LRP1B: variants seen among roughly 807,000 people sequenced by gnomAD.
LRP1B encodes low-density lipoprotein receptor-related protein 1B.
Under a neutral mutation model 556.6 loss-of-function variants are expected in LRP1B, and 217 were observed. The observed-to-expected ratio is 0.39, with a 90% CI of 0.35 to 0.44. LRP1B has a LOEUF of 0.44. LRP1B is among the 20% of genes least tolerant of loss of function. LRP1B has a pLI of 1.00. For synonymous variants in LRP1B, 2,047 were observed against 1,865.8 expected, an observed-to-expected ratio of 1.10 and a Z score of -2.50; for missense variants, 5,053 against 5,620.8, an observed-to-expected ratio of 0.90 and a Z score of 3.23.
chr2:140,885,535 G>A (rs1228190980), intron 24 of LRP1B, among the ~76,000 whole-genome samples: 2 of 151,866 alleles, frequency 1.3e-5, no homozygotes, highest in African/African-American at 4.8e-5. Flanking sequence ...ATTTATAGTA[G>A]AGATGGGGTT....
chr2:141,498,580 T>C (rs2105127492), intron 2 of LRP1B, among the ~76,000 whole-genome samples: 1 of 152,146 alleles, frequency 6.6e-6, no homozygotes, highest in Non-Finnish European at 1.5e-5. Context: ...GTAAAACTGC[T>C]GGAAAAATAC....
rs1558958260 is a variant in LRP1B, at chr2:141,247,402, C to T, written c.464-48G>A. 4 of 1,587,690 alleles carry T rather than the reference C, an allele frequency of 2.5e-6. No individual in the cohort carries two copies. The Admixed American group carries it at 7.0e-5, about 28-fold the overall frequency. On this transcript the variant is annotated intron_variant, in intron 4 of 90. Transcript: ENST00000389484. Reference sequence around the variant, plus strand: ...TTTCTAAGCAGCTTTATCTTGGGCACTTTTTTTTCTCCTTGAAGAAAATAT... The same window carrying T: ...TTTCTAAGCAGCTTTATCTTGGGCATTTTTTTTTCTCCTTGAAGAAAATAT...
chr2:141,136,647 T>C (rs1274631492), intron 7 of LRP1B, among the ~76,000 whole-genome samples: 1 of 137,126 alleles, frequency 7.3e-6, no homozygotes, highest in Non-Finnish European at 1.6e-5. Context: ...AAAAAAAAAA[T>C]ACTCTGATCT....
At chr2:140,306,982 C>T (rs527859764) in intron 83 of LRP1B, among the ~76,000 whole-genome samples, 1 of 151,942 alleles carries the variant, frequency 6.6e-6, no homozygotes, top group South Asian at 2.1e-4. Flanking sequence ...TATTGTATTG[C>T]TTATAAGAAA....
intron 10 of LRP1B, among the ~76,000 whole-genome samples, chr2:141,053,984 C>A (rs1317367208): frequency 6.6e-6 from 1 of 151,948 alleles, no homozygotes; most frequent in Non-Finnish European, 1.5e-5. Flanking sequence ...GGCCTAGAAA[C>A]ATGAGACCTG....
chr2:140,992,595 A>C (rs1997080), intron 16 of LRP1B: 1 of 151,886 alleles, frequency 6.6e-6, no homozygotes, highest in Non-Finnish European at 1.5e-5. Context: ...ACTTAGTTAC[A>C]AATCAAACTC....
chr2:141,484,178 T>C (rs563173021), intron 2 of LRP1B, among the ~76,000 whole-genome samples: 6 of 147,934 alleles, frequency 4.1e-5, no homozygotes, highest in African/African-American at 1.2e-4. Flanking sequence ...GCTTTCTACA[T>C]ATGGCTAGCC....
At chr2:140,257,765 T>A (rs1681760359) in intron 86 of LRP1B, among the ~76,000 whole-genome samples, 1 of 152,204 alleles carries the variant, frequency 6.6e-6, no homozygotes, top group Non-Finnish European at 1.5e-5. Context: ...TACAATGTCC[T>A]GACTTTTGAA....
chr2:140,859,978 G>C (rs1692741159), intron 27 of LRP1B, among the ~76,000 whole-genome samples: 2 of 152,178 alleles, frequency 1.3e-5, no homozygotes, highest in South Asian at 4.2e-4. Context: ...CTGGGTGAAA[G>C]AGCGAGACTC....
At chr2:140,398,516 T>C (rs201461800) in intron 66 of LRP1B, among the ~76,000 whole-genome samples, 1 of 97,732 alleles carries the variant, frequency 1.0e-5, no homozygotes, top group Non-Finnish European at 2.2e-5. Context: ...TCTTTCTTTC[T>C]CTTTTGTTGT....
intron 3 of LRP1B, among the ~76,000 whole-genome samples, chr2:141,406,906 T>G (rs1383166813): frequency 6.6e-6 from 1 of 152,168 alleles, no homozygotes; most frequent in Non-Finnish European, 1.5e-5. Context: ...CAGAGAAAGC[T>G]ATTATACAAA....
chr2:140,856,767 A>G (rs934353444), intron 27 of LRP1B, among the ~76,000 whole-genome samples: 43 of 69,910 alleles, frequency 6.2e-4, no homozygotes, highest in African/African-American at 1.7e-3. Context: ...ACACACACAC[A>G]CACACACACA....
chr2:140,609,469 G>A (rs936554047), intron 41 of LRP1B, among the ~76,000 whole-genome samples: 5 of 151,634 alleles, frequency 3.3e-5, no homozygotes, highest in Admixed American at 6.6e-5. Context: ...AATTCCATAC[G>A]TACGTCCAAC....
intron 1 of LRP1B, among the ~76,000 whole-genome samples, chr2:141,897,698 A>T (rs1378812467): frequency 6.6e-6 from 1 of 152,166 alleles, no homozygotes; most frequent in Non-Finnish European, 1.5e-5. Context: ...GGTGTGGAAA[A>T]CTGTTTAATA....
chr2:141,772,080 T>G (rs1694919227), intron 2 of LRP1B, among the ~76,000 whole-genome samples: 1 of 152,098 alleles, frequency 6.6e-6, no homozygotes, highest in African/African-American at 2.4e-5. Flanking sequence ...ACTCCCAAAG[T>G]GCTGGGATTA....
At chr2:140,253,214 C>T (rs1681530715) in intron 86 of LRP1B, among the ~76,000 whole-genome samples, 1 of 151,876 alleles carries the variant, frequency 6.6e-6, no homozygotes, top group Admixed American at 6.6e-5. Context: ...CTGATAAGAT[C>T]AGTAAGTCAA....
chr2:141,928,543 C>T (rs1381374908), intron 1 of LRP1B, among the ~76,000 whole-genome samples: 1 of 152,050 alleles, frequency 6.6e-6, no homozygotes, highest in African/African-American at 2.4e-5. Context: ...ATTTACAGAC[C>T]TACTGCTATC....
intron 53 of LRP1B, 133 bp downstream of exon 53, chr2:140,506,663 G>A (rs1689427411): frequency 1.2e-6 from 1 of 813,276 alleles, no homozygotes; most frequent in East Asian, 2.5e-5. Flanking sequence ...CTGTGATTGT[G>A]TATTACTGAA....
intron 1 of LRP1B, among the ~76,000 whole-genome samples, chr2:141,905,325 CAG>C (rs1429160491): frequency 1.3e-5 from 2 of 151,740 alleles, no homozygotes; most frequent in African/African-American, 4.8e-5. Context: ...AGCTAGAGAA[CAG>C]AGTTAACATA....
Sources: allele counts gnomAD v4.1 joint callset (sites outside exome capture counted in the v4.1 genomes callset), GRCh38; gene constraint gnomAD v4.1.1; transcripts MANE v1.5; gene names NCBI Gene and HGNC (gene_info 2026-07-23, HGNC 2026-07-21).